The following NSMCE2 variants were observed in gnomAD, a reference collection of about 807,000 sequenced individuals.
NSMCE2 encodes the protein E3 SUMO-protein ligase NSE2.
A neutral mutation model predicts 23.8 loss-of-function variants in NSMCE2; 24 were observed. The observed-to-expected ratio is 1.01, with a 90% CI of 0.73 to 1.42. The LOEUF (loss-of-function observed/expected upper bound fraction) is 1.42, where lower values mean the gene tolerates loss of function less well. Among genes scored for constraint, NSMCE2 ranks in the 40% most tolerant of loss-of-function variants. NSMCE2 has a pLI of 0.00. For missense variants in NSMCE2, 284 were observed against 296.5 expected (o/e 0.96, Z 0.31); for synonymous variants, 92 against 94.1 (o/e 0.98, Z 0.13).
At chr8:125,272,416 T>C (rs1398627456) in intron 5 of NSMCE2, among the ~76,000 whole-genome samples, 1 of 151,196 alleles carries the variant, frequency 6.6e-6, no homozygotes, top group Non-Finnish European at 1.5e-5. Flanking sequence ...AATCTCAGCA[T>C]TTAGATCTAG....
At chr8:125,253,471 A>G (rs895339299) in intron 5 of NSMCE2, among the ~76,000 whole-genome samples, 1 of 151,994 alleles carries the variant, frequency 6.6e-6, no homozygotes, top group East Asian at 1.9e-4. Flanking sequence ...TTTCGGGTGG[A>G]GTTTTGTTTT....
intron 5 of NSMCE2, among the ~76,000 whole-genome samples, chr8:125,338,345 G>A (rs1402451771): frequency 1.3e-5 from 2 of 150,374 alleles, no homozygotes; most frequent in African/African-American, 2.4e-5. Context: ...CATATAGTGA[G>A]ATGAACAGAA....
At chr8:125,128,415 A>T (rs918910495) in intron 3 of NSMCE2, among the ~76,000 whole-genome samples, 4 of 152,184 alleles carry the variant, frequency 2.6e-5, no homozygotes, top group Non-Finnish European at 4.4e-5. Flanking sequence ...GTAATTGATG[A>T]AACTTGATGG....
At chr8:125,181,119 G>A (rs1016913683) in intron 4 of NSMCE2, among the ~76,000 whole-genome samples, 3 of 152,176 alleles carry the variant, frequency 2.0e-5, no homozygotes, top group Non-Finnish European at 2.9e-5. Context: ...GAGAGCAGCT[G>A]CAGCAAAGTG....
intron 5 of NSMCE2, among the ~76,000 whole-genome samples, chr8:125,254,538 C>T (rs1265969411): frequency 1.3e-5 from 2 of 152,106 alleles, no homozygotes; most frequent in African/African-American, 2.4e-5. Context: ...AATCCTGAAT[C>T]ACTGCCATTT....
chr8:125,279,848 A>G (rs1827624847), intron 5 of NSMCE2, among the ~76,000 whole-genome samples: 1 of 152,212 alleles, frequency 6.6e-6, no homozygotes, highest in Non-Finnish European at 1.5e-5. Flanking sequence ...GTTTGCCCTT[A>G]AGAAGGTGGC....
intron 5 of NSMCE2, among the ~76,000 whole-genome samples, chr8:125,306,249 G>T (rs1828755609): frequency 1.3e-5 from 2 of 151,964 alleles, no homozygotes; most frequent in Non-Finnish European, 2.9e-5. Context: ...AGGATGGCTT[G>T]AGCCCAGGAG....
chr8:125,188,838 G>A (rs1823222541), intron 5 of NSMCE2, among the ~76,000 whole-genome samples: 1 of 152,184 alleles, frequency 6.6e-6, no homozygotes, highest in Non-Finnish European at 1.5e-5. Flanking sequence ...TGGGGGTTTT[G>A]TGATGGGGGC....
chr8:125,250,051 G>T (rs767375939), intron 5 of NSMCE2, among the ~76,000 whole-genome samples: 2 of 152,118 alleles, frequency 1.3e-5, no homozygotes, highest in Admixed American at 6.5e-5. Context: ...GTGCAATGGC[G>T]CAATCTCGGC....
At chr8:125,167,731 A>T (rs946727190) in intron 4 of NSMCE2, among the ~76,000 whole-genome samples, 1 of 152,020 alleles carries the variant, frequency 6.6e-6, no homozygotes, top group East Asian at 1.9e-4. Context: ...GGGGGGAAAA[A>T]TCAGTGGAAT....
intron 7 of NSMCE2, among the ~76,000 whole-genome samples, chr8:125,359,668 G>T (rs149481981): frequency 6.6e-6 from 1 of 152,234 alleles, no homozygotes; most frequent in Non-Finnish European, 1.5e-5. Context: ...ATCCATAAAT[G>T]AATGACAATC....
At chr8:125,359,082 C>T (rs536739119) in intron 7 of NSMCE2, among the ~76,000 whole-genome samples, 25 of 151,750 alleles carry the variant, frequency 1.6e-4, no homozygotes, top group African/African-American at 4.1e-4. Context: ...CTGGCTAACA[C>T]GGTGAAACCC....
intron 5 of NSMCE2, among the ~76,000 whole-genome samples, chr8:125,334,326 T>C (rs1261028362): frequency 6.6e-6 from 1 of 152,140 alleles, no homozygotes; most frequent in Non-Finnish European, 1.5e-5. Context: ...CAGGCTGTGC[T>C]AAGTGAGTTA....
chr8:125,117,676 C>T (rs1374537112), intron 3 of NSMCE2, among the ~76,000 whole-genome samples: 2 of 152,102 alleles, frequency 1.3e-5, no homozygotes, highest in Admixed American at 6.6e-5. Flanking sequence ...CCACGATCCC[C>T]AGCTAATTTT....
chr8:125,167,123 G>A (rs1384333131), intron 4 of NSMCE2, among the ~76,000 whole-genome samples: 1 of 152,172 alleles, frequency 6.6e-6, no homozygotes, highest in East Asian at 1.9e-4. Context: ...CTTTCACTGT[G>A]CCTTTAGTAG....
At chr8:125,341,744 G>A (rs540200793) in intron 5 of NSMCE2, among the ~76,000 whole-genome samples, 16 of 152,142 alleles carry the variant, frequency 1.1e-4, no homozygotes, top group African/African-American at 3.6e-4. Flanking sequence ...GTCCATTCTT[G>A]TATGAAACTA....
intron 5 of NSMCE2, among the ~76,000 whole-genome samples, chr8:125,195,365 C>T (rs902840572): frequency 1.8e-4 from 27 of 151,966 alleles, no homozygotes; most frequent in Non-Finnish European, 3.4e-4. Context: ...GTTTACTAGG[C>T]GCTCTAAACG....
In NSMCE2 at chr8:125,150,210, T is replaced by C. The variant is rs78310046; in HGVS notation, c.158-961T>C. The stretch of plus-strand genomic sequence containing the variant: ...CCCAGGCAGCAGGGAGAGATTACTT[T>C]TGGTTCATCTTTATACAAAGAGTTG... On this transcript the variant is annotated intron_variant, in intron 3 of 7. Transcript: ENST00000287437. Among the ~76,000 whole-genome samples the C allele has an allele frequency of 5.8e-3, 879 of 152,248 alleles. 6 individuals carry two copies. Among genetic ancestry groups the C allele is most frequent in the African/African-American group, 0.02 (839 of 41,534 alleles).
intron 5 of NSMCE2, among the ~76,000 whole-genome samples, chr8:125,344,268 T>G (rs1408220121): frequency 6.6e-6 from 1 of 152,160 alleles, no homozygotes; most frequent in Non-Finnish European, 1.5e-5. Flanking sequence ...TCAATATTAT[T>G]TGGTCTCTTG....
Sources: gnomAD v4.1 joint callset for allele counts (sites outside exome capture counted in the v4.1 genomes callset) on GRCh38, gnomAD v4.1.1 for gene constraint, MANE v1.5 for transcripts, NCBI Gene and HGNC (gene_info 2026-07-23, HGNC 2026-07-21) for gene names.